The following EYS variants were observed in gnomAD, a reference collection of about 807,000 sequenced individuals.
EYS encodes the protein protein eyes shut homolog.
EYS carries 250 observed loss-of-function variants against 282.1 expected under a neutral mutation model. The observed-to-expected ratio is 0.89, with a 90% CI of 0.80 to 0.98. The LOEUF (loss-of-function observed/expected upper bound fraction) is 0.98, where lower values mean the gene tolerates loss of function less well. EYS is among the 50% of genes least tolerant of loss of function. EYS has a pLI of 0.00. For missense variants in EYS, 4,016 were observed against 3,709.0 expected, an observed-to-expected ratio of 1.08 and a Z score of -2.15; for synonymous variants, 1,355 against 1,282.9, an observed-to-expected ratio of 1.06 and a Z score of -1.20.
intron 22 of EYS, among the ~76,000 whole-genome samples, chr6:64,749,983 T>C (rs1030041009): frequency 3.3e-5 from 5 of 152,068 alleles, no homozygotes; most frequent in Admixed American, 2.0e-4. Flanking sequence ...TAATTTCTAA[T>C]AGATTATTAG....
In EYS at chr6:65,364,005, T is replaced by A. The variant is rs1797948277; in HGVS notation, c.1300-10388A>T. 2.0e-5 allele frequency among the ~76,000 whole-genome samples: 3 copies of A among 151,554 alleles called. No individual in the cohort carries two copies. In the South Asian group the frequency reaches 6.3e-4, roughly 32 times the overall value. ...TATCTTAATTATTGGGGCTTTATAA[T>A]TAATTTTTTCACCTGGTATTCCAAG... On this transcript the variant is annotated intron_variant, in intron 8 of 42. Transcript: ENST00000503581.
intron 37 of EYS, among the ~76,000 whole-genome samples, chr6:63,792,227 A>G (rs1238326989): frequency 1.3e-5 from 2 of 151,658 alleles, no homozygotes; most frequent in Non-Finnish European, 1.5e-5. Flanking sequence ...CAGGGAACCA[A>G]TCACCCATCA....
At chr6:65,190,457 G>T (rs1581999400) in intron 12 of EYS, among the ~76,000 whole-genome samples, 1 of 150,804 alleles carries the variant, frequency 6.6e-6, no homozygotes, top group South Asian at 2.1e-4. Context: ...AATATAATGG[G>T]CCTATAAAAT....
chr6:65,613,818 T>C (rs1227819317), intron 2 of EYS, among the ~76,000 whole-genome samples: 3 of 151,938 alleles, frequency 2.0e-5, no homozygotes, highest in Non-Finnish European at 4.4e-5. Flanking sequence ...ATGTTTTCAT[T>C]TGTAATATGA....
At position 65,533,651 on chromosome 6, in the gene EYS, TAA is replaced by T. The variant is rs546465746; in HGVS notation, c.-332-37660_-332-37659del. Among the ~76,000 whole-genome samples the T allele has an allele frequency of 5.9e-5, 9 of 152,194 alleles. No individual in the cohort carries two copies. In the South Asian group the frequency reaches 1.9e-3, roughly 32 times the overall value. ...CTGTCCTAATGAATAAGTGCCTTTA[TAA>T]AAGAGTCCCAAAGGAGCTTGTTCAC... On this transcript the variant is annotated intron_variant, in intron 2 of 42. Coordinates refer to ENST00000503581, the MANE Select transcript of EYS (RefSeq NM_001142800.2).
chr6:65,445,654 GAC>G (rs1768625979), intron 5 of EYS, among the ~76,000 whole-genome samples: 2 of 151,646 alleles, frequency 1.3e-5, no homozygotes, highest in African/African-American at 4.8e-5. Flanking sequence ...TGTGTACTAA[GAC>G]ACAGTCTCAA....
chr6:65,661,616 T>C (rs369123980), intron 1 of EYS, among the ~76,000 whole-genome samples: 1 of 152,162 alleles, frequency 6.6e-6, no homozygotes, highest in East Asian at 1.9e-4. Flanking sequence ...TATACACTAT[T>C]TCCATGATTT....
At chr6:65,591,556 T>A (rs994360239) in intron 2 of EYS, among the ~76,000 whole-genome samples, 6 of 152,022 alleles carry the variant, frequency 3.9e-5, no homozygotes, top group Non-Finnish European at 7.4e-5. Context: ...CTTGCCTTTT[T>A]AGACTAAATC....
intron 1 of EYS, among the ~76,000 whole-genome samples, chr6:65,705,541 A>G (rs920923453): frequency 6.6e-6 from 1 of 152,180 alleles, no homozygotes; most frequent in African/African-American, 2.4e-5. Flanking sequence ...AAGGCTTGGT[A>G]TTAGGTTTTA....
chr6:64,296,596 ATATTTTTTTTT>A (rs1769033223), intron 30 of EYS, among the ~76,000 whole-genome samples: 2 of 6,160 alleles, frequency 3.2e-4, no homozygotes, highest in African/African-American at 7.3e-4. Context: ...ATATATATAT[ATATTTTTTTTT>A]TTTTTTTTTT....
intron 30 of EYS, among the ~76,000 whole-genome samples, chr6:64,250,276 C>CACTT (rs1767165087): frequency 6.6e-6 from 1 of 152,152 alleles, no homozygotes; most frequent in African/African-American, 2.4e-5. Flanking sequence ...GTAAACTATA[C>CACTT]TTTTTACAAA....
At chr6:63,753,019 T>G (rs58680970) in intron 41 of EYS, among the ~76,000 whole-genome samples, 5,825 of 151,490 alleles carry the variant, frequency 0.038, 190 homozygotes, top group South Asian at 0.12. Context: ...TTTTTTGATT[T>G]TTTTCTTCCT....
intron 2 of EYS, among the ~76,000 whole-genome samples, chr6:65,550,141 A>ATTTTT (rs1562254216): frequency 1.4e-4 from 1 of 7,206 alleles, no homozygotes; most frequent in Non-Finnish European, 2.0e-4. Flanking sequence ...ACTCTACTAT[A>ATTTTT]TCTTTTTTTT....
intron 2 of EYS, among the ~76,000 whole-genome samples, chr6:65,535,354 G>A (rs1291579128): frequency 6.6e-6 from 1 of 152,086 alleles, no homozygotes; most frequent in Non-Finnish European, 1.5e-5. Context: ...TGAATCATGG[G>A]GGCAGGTCTT....
chr6:64,658,001 G>A (rs1325627702), intron 22 of EYS, among the ~76,000 whole-genome samples: 2 of 152,130 alleles, frequency 1.3e-5, no homozygotes, highest in Non-Finnish European at 2.9e-5. Flanking sequence ...CCAATCAGAT[G>A]TAGATTTGGT....
At chr6:64,344,805 G>T (rs1771304107) in intron 29 of EYS, among the ~76,000 whole-genome samples, 1 of 151,946 alleles carries the variant, frequency 6.6e-6, no homozygotes, top group Non-Finnish European at 1.5e-5. Flanking sequence ...AAACCCCATG[G>T]TCTCAGCCCA....
At chr6:63,879,998 T>C (rs1773083626) in intron 35 of EYS, among the ~76,000 whole-genome samples, 2 of 152,196 alleles carry the variant, frequency 1.3e-5, no homozygotes, top group South Asian at 4.1e-4. Flanking sequence ...GTAGAGATGC[T>C]GTGATTTTAT....
At chr6:64,198,684 C>G (rs1765373780) in intron 31 of EYS, among the ~76,000 whole-genome samples, 1 of 152,164 alleles carries the variant, frequency 6.6e-6, no homozygotes, top group South Asian at 2.1e-4. Flanking sequence ...TCATAGTATT[C>G]CATGGTGTAT....
At chr6:63,724,516 CAG>C (rs1300803905) in intron 42 of EYS, among the ~76,000 whole-genome samples, 1 of 152,048 alleles carries the variant, frequency 6.6e-6, no homozygotes, top group Non-Finnish European at 1.5e-5. Flanking sequence ...ATAACTATAT[CAG>C]ATGAATTCAG....
Sources: gnomAD v4.1 joint callset for allele counts (sites outside exome capture counted in the v4.1 genomes callset) on GRCh38, gnomAD v4.1.1 for gene constraint, MANE v1.5 for transcripts, NCBI Gene and HGNC (gene_info 2026-07-23, HGNC 2026-07-21) for gene names.